The following TTC29 variants were observed in gnomAD, a reference collection of about 807,000 sequenced individuals.
TTC29 encodes tetratricopeptide repeat domain 29.
A neutral mutation model predicts 58.1 loss-of-function variants in TTC29; 49 were observed. The ratio of observed to expected loss-of-function variants is 0.84; its 90% CI spans 0.67 to 1.07. TTC29 has a LOEUF of 1.07. TTC29 is among the 50% of genes least tolerant of loss of function. The pLI is 0.00. For synonymous variants in TTC29, 209 were observed against 196.8 expected, an observed-to-expected ratio of 1.06 and a Z score of -0.52; for missense variants, 582 against 555.6, an observed-to-expected ratio of 1.05 and a Z score of -0.48.
chr4:146,853,000 G>A (rs1372547141), intron 8 of TTC29, among the ~76,000 whole-genome samples: 1 of 151,960 alleles, frequency 6.6e-6, no homozygotes, highest in Non-Finnish European at 1.5e-5. Context: ...GTTGAGATAA[G>A]CTGTTGAAAT....
chr4:146,834,949 T>C lies in TTC29; in HGVS notation c.886-1052A>G, dbSNP rs1041978107. 5.4e-4 allele frequency among the ~76,000 whole-genome samples: 82 copies of C among 152,314 alleles called. 1 individual carries two copies. Among genetic ancestry groups the C allele is most frequent in the African/African-American group, 1.9e-3 (77 of 41,566 alleles). On this transcript the variant is annotated intron_variant, in intron 8 of 12. Transcript: ENST00000325106. ...GACATAATACTGTTGTTAAAACTTA[T>C]GGCTATATACTGACCCAGGGTTTTA... is the stretch of plus-strand genomic sequence containing the variant.
At chr4:146,890,619 C>A (rs1452492107) in intron 6 of TTC29, among the ~76,000 whole-genome samples, 1 of 152,202 alleles carries the variant, frequency 6.6e-6, no homozygotes, top group Non-Finnish European at 1.5e-5. Context: ...TCATCAGAGG[C>A]TTCACAGCAG....
chr4:146,772,198 T>A (rs773623370), intron 11 of TTC29, among the ~76,000 whole-genome samples: 14 of 152,146 alleles, frequency 9.2e-5, no homozygotes, highest in Non-Finnish European at 1.9e-4. Flanking sequence ...ATTCTGTAGG[T>A]TGTCTGTTTA....
At chr4:146,781,299 T>C (rs1446154708) in intron 11 of TTC29, among the ~76,000 whole-genome samples, 1 of 151,930 alleles carries the variant, frequency 6.6e-6, no homozygotes, top group Non-Finnish European at 1.5e-5. Context: ...ATACTTGATA[T>C]AAATATTTAG....
chr4:146,745,613 C>T (rs888779358), intron 11 of TTC29, among the ~76,000 whole-genome samples: 6 of 152,172 alleles, frequency 3.9e-5, no homozygotes, highest in African/African-American at 7.2e-5. Context: ...AATAGGTGGA[C>T]GGTTGCTTAA....
At chr4:146,776,977 T>TG (rs1256431448) in intron 11 of TTC29, among the ~76,000 whole-genome samples, 3 of 152,018 alleles carry the variant, frequency 2.0e-5, no homozygotes, top group African/African-American at 7.2e-5. Flanking sequence ...GCCACTGGTA[T>TG]CAGTGCATGC....
intron 5 of TTC29, among the ~76,000 whole-genome samples, chr4:146,906,617 C>T (rs1463300777): frequency 6.6e-6 from 1 of 152,174 alleles, no homozygotes; most frequent in Non-Finnish European, 1.5e-5. Flanking sequence ...ATTCAAACCA[C>T]AATTTTCCTC....
chr4:146,819,560 T>A (rs1277126677), intron 10 of TTC29, among the ~76,000 whole-genome samples: 1 of 152,336 alleles, frequency 6.6e-6, no homozygotes, highest in African/African-American at 2.4e-5. Context: ...TACATTCTAC[T>A]AATAACAGCT....
chr4:146,925,394 A>C (rs1560724687), intron 4 of TTC29, among the ~76,000 whole-genome samples: 1 of 152,138 alleles, frequency 6.6e-6, no homozygotes, highest in African/African-American at 2.4e-5. Context: ...AAGCACAAAC[A>C]TTTAGGCTTA....
At chr4:146,909,381 A>G (rs1293466989) in intron 4 of TTC29, 132 bp from the exon 5 acceptor site, 2 of 706,526 alleles carry the variant, frequency 2.8e-6, no homozygotes, top group African/African-American at 3.6e-5. Context: ...GAAAACTATC[A>G]AAAGATCTTT....
intron 11 of TTC29, among the ~76,000 whole-genome samples, chr4:146,745,345 A>C (rs1745465055): frequency 6.6e-6 from 1 of 152,222 alleles, no homozygotes; most frequent in South Asian, 2.1e-4. Flanking sequence ...AAATGCTGGC[A>C]GGTAGATAGA....
chr4:146,750,897 T>G (rs554045741), intron 11 of TTC29, among the ~76,000 whole-genome samples: 12 of 152,332 alleles, frequency 7.9e-5, no homozygotes, highest in African/African-American at 2.9e-4. Flanking sequence ...GTAAATGGAT[T>G]AAATTATCCA....
intron 5 of TTC29, 94 bp downstream of exon 5, chr4:146,908,932 G>T: frequency 9.2e-7 from 1 of 1,083,696 alleles, no homozygotes; most frequent in Non-Finnish European, 1.4e-6. Context: ...TTGTCTTAAT[G>T]TTTCAAATTC....
At chr4:146,741,988 T>C (rs561801585) in intron 11 of TTC29, among the ~76,000 whole-genome samples, 14 of 152,308 alleles carry the variant, frequency 9.2e-5, no homozygotes, top group African/African-American at 3.1e-4. Flanking sequence ...TGGGTTCACA[T>C]GCATTATCTC....
At chr4:146,923,752 A>G (rs1734750154) in intron 4 of TTC29, among the ~76,000 whole-genome samples, 1 of 151,858 alleles carries the variant, frequency 6.6e-6, no homozygotes, top group Non-Finnish European at 1.5e-5. Flanking sequence ...ATAAAAGCTT[A>G]ATGATATTTC....
intron 4 of TTC29, among the ~76,000 whole-genome samples, chr4:146,910,280 A>G (rs1733813277): frequency 6.6e-6 from 1 of 152,006 alleles, no homozygotes; most frequent in South Asian, 2.1e-4. Flanking sequence ...TACCTACATC[A>G]TGGGATTCCT....
Position 146,803,506 on chromosome 4 carries a change from C to T in TTC29, c.1281G>A (p.Leu427=). Residue 427 remains leucine (L), a synonymous_variant, in exon 11 of 13, where the codon CTG becomes CTA. Coordinates refer to ENST00000325106, the MANE Select transcript of TTC29 (RefSeq NM_031956.4). Reference sequence around the variant, plus strand: ...TACCTCTGCTCTCCTTCCATGACAGCAGGTAGTTGAGGCTGGTGAGATCTG... The same window carrying T: ...TACCTCTGCTCTCCTTCCATGACAGTAGGTAGTTGAGGCTGGTGAGATCTG... ...ESADLTSLNY[L]LSWKESRGNI... is the part of the protein sequence containing the mutation. 6.2e-7 allele frequency: 1 copy of T among 1,600,188 alleles called. No homozygotes were observed. Among genetic ancestry groups the T allele is most frequent in the East Asian group, 2.2e-5 (1 of 44,586 alleles).
chr4:146,938,439 C>T (rs192638675), intron 3 of TTC29, among the ~76,000 whole-genome samples: 24 of 152,062 alleles, frequency 1.6e-4, no homozygotes, highest in African/African-American at 5.5e-4. Context: ...TCATCCTAAC[C>T]TAAGGATATG....
intron 6 of TTC29, among the ~76,000 whole-genome samples, chr4:146,899,650 C>A (rs1171089659): frequency 1.3e-5 from 2 of 152,112 alleles, no homozygotes; most frequent in Non-Finnish European, 2.9e-5. Context: ...GTGACTCTGG[C>A]CAGGGAGCTC....
Sources: gnomAD v4.1 joint callset for allele counts (sites outside exome capture counted in the v4.1 genomes callset) on GRCh38, gnomAD v4.1.1 for gene constraint, MANE v1.5 for transcripts, NCBI Gene and HGNC (gene_info 2026-07-23, HGNC 2026-07-21) for gene names.